The following CASR variants were observed in gnomAD, a reference collection of about 807,000 sequenced individuals.
CASR encodes the protein extracellular calcium-sensing receptor.
A neutral mutation model predicts 69.1 loss-of-function variants in CASR; 23 were observed. The observed-to-expected ratio is 0.33, with a 90% CI of 0.24 to 0.47. The LOEUF (loss-of-function observed/expected upper bound fraction) is 0.47, where lower values mean the gene tolerates loss of function less well. CASR is among the 20% of genes least tolerant of loss of function. CASR has a pLI of 1.00. For missense variants in CASR, 924 were observed against 1,356.1 expected (o/e 0.68, Z 5.00); for synonymous variants, 541 against 544.7 (o/e 0.99, Z 0.10).
In CASR at chr3:122,283,614, A is replaced by G. The variant is rs1323871240; in HGVS notation, c.1733-73A>G. ...CACATCCAAAAAACTATGTATTCCC[A>G]CCACCACATGTACACTCACACATTT... On this transcript the variant is annotated intron_variant, in intron 6 of 6. Coordinates refer to ENST00000639785, the MANE Select transcript of CASR (RefSeq NM_000388.4). 4.1e-6 allele frequency: 5 copies of G among 1,229,080 alleles called. No individual in the cohort carries two copies. In the African/African-American group the frequency reaches 7.4e-5, roughly 18 times the overall value. The allele number at this position is 1,229,080 out of a possible 1,614,324, so 76.1% of individuals were successfully genotyped here. A position where few individuals can be genotyped will look rare whatever the true frequency, so the allele number is the denominator to read the frequency against.
chr3:122,275,862 G>A lies in CASR; in HGVS notation c.1428G>A (p.Gln476=), dbSNP rs1457255751. ...ACTTTACAAACAATATGGGGGAGCA[G>A]GTGACCTTTGATGAGTGTGGTGACC... ...HLNFTNNMGE[Q]VTFDECGDLV... is the part of the protein sequence containing the mutation. Residue 476 remains glutamine, a synonymous_variant, in exon 5 of 7, where the codon CAG becomes CAA. Transcript: ENST00000639785. 1.2e-6 allele frequency: 2 copies of A among 1,614,074 alleles called. No homozygotes were observed. The highest frequency in any genetic ancestry group is 2.7e-5 in the African/African-American group (2 of 74,936).
chr3:122,238,281 A>G (rs1037829247), intron 1 of CASR, among the ~76,000 whole-genome samples: 4 of 152,194 alleles, frequency 2.6e-5, no homozygotes, highest in East Asian at 3.9e-4. Context: ...GCCACTTGGC[A>G]CTGAACTCAG....
chr3:122,231,408 C>T (rs771891724), intron 1 of CASR, among the ~76,000 whole-genome samples: 4 of 152,198 alleles, frequency 2.6e-5, no homozygotes, highest in East Asian at 3.8e-4. Flanking sequence ...CACCATCATA[C>T]GAAGAGCTAA....
Position 122,221,299 on chromosome 3 carries a change from G to C in CASR, c.-242-32649G>C, listed in dbSNP as rs191933752. On this transcript the variant is annotated intron_variant, in intron 1 of 6. Coordinates refer to ENST00000639785, the MANE Select transcript of CASR (RefSeq NM_000388.4). Reference sequence around the variant, plus strand: ...TCTTTTCCCCTCACCCCCTTCCTTGGAGAACCATCAATGCTCACAGTTCCA... The same window carrying C: ...TCTTTTCCCCTCACCCCCTTCCTTGCAGAACCATCAATGCTCACAGTTCCA... Among the ~76,000 whole-genome samples the C allele has an allele frequency of 1.5e-4, 23 of 152,090 alleles. No homozygotes were observed. The East Asian group carries it at 4.4e-3, about 29-fold the overall frequency.
chr3:122,241,972 G>T (rs1169898366), intron 1 of CASR, among the ~76,000 whole-genome samples: 1 of 151,984 alleles, frequency 6.6e-6, no homozygotes, highest in Non-Finnish European at 1.5e-5. Flanking sequence ...ATTGGATAAA[G>T]TTCAACATCA....
rs1234498112 is a variant in CASR at position 122,257,791 on chromosome 3, G to A, written c.492+404G>A. 5.9e-5 allele frequency among the ~76,000 whole-genome samples: 9 copies of A among 152,034 alleles called. No homozygotes were observed. In the East Asian group the frequency reaches 7.7e-4, roughly 13 times the overall value. ...CGAATTCCATTTCCTGAAAAGTCTC[G>A]CTGCTCCACTGTCTCATTGAAACTT... On this transcript the variant is annotated intron_variant, in intron 3 of 6. Coordinates refer to ENST00000639785, the MANE Select transcript of CASR (RefSeq NM_000388.4).
chr3:122,201,908 G>A (rs1454432139), intron 1 of CASR, among the ~76,000 whole-genome samples: 5 of 151,584 alleles, frequency 3.3e-5, no homozygotes, highest in South Asian at 2.1e-4. Context: ...GATGGCGGCC[G>A]GGCAGAGACG....
intron 2 of CASR, among the ~76,000 whole-genome samples, chr3:122,255,969 C>T (rs2074550740): frequency 6.6e-6 from 1 of 152,190 alleles, no homozygotes. Flanking sequence ...ATTTACTGAG[C>T]CCTGACTCTG....
rs191237891 is a variant in CASR at position 122,235,679 on chromosome 3, T to A, written c.-242-18269T>A. On this transcript the variant is annotated intron_variant, in intron 1 of 6. Coordinates refer to ENST00000639785, the MANE Select transcript of CASR (RefSeq NM_000388.4). ...TGGGGTAGTGGCATGTTCCTATAGT[T>A]TTAGTTACTCAGGAATCTGAGGCAG... Among the ~76,000 whole-genome samples, 253 of 152,214 alleles carry A rather than the reference T, an allele frequency of 1.7e-3. 1 individual carries two copies. The highest frequency in any genetic ancestry group is 1.3e-3 in the Non-Finnish European group (85 of 67,998).
At chr3:122,271,832 T>C (rs746465205) in intron 4 of CASR, among the ~76,000 whole-genome samples, 1 of 152,214 alleles carries the variant, frequency 6.6e-6, no homozygotes, top group Non-Finnish European at 1.5e-5. Context: ...TTCCTGGATA[T>C]TTCATATAAA....
chr3:122,278,543 C>T (rs187748757), intron 5 of CASR, among the ~76,000 whole-genome samples: 2 of 152,292 alleles, frequency 1.3e-5, no homozygotes, highest in African/African-American at 4.8e-5. Context: ...CAGAATTGGA[C>T]AGGCATCTTT....
intron 5 of CASR, among the ~76,000 whole-genome samples, chr3:122,281,222 G>T (rs1416141462): frequency 6.6e-6 from 1 of 152,228 alleles, no homozygotes; most frequent in Non-Finnish European, 1.5e-5. Context: ...ATGAAATTCT[G>T]GTAAGAACAC....
intron 1 of CASR, among the ~76,000 whole-genome samples, chr3:122,226,164 G>A (rs888410907): frequency 2.0e-5 from 3 of 152,178 alleles, no homozygotes; most frequent in African/African-American, 7.2e-5. Flanking sequence ...CACGGTGAGT[G>A]TTACAGTTCT....
chr3:122,248,225 C>G (rs192229472), intron 1 of CASR, among the ~76,000 whole-genome samples: 1 of 152,250 alleles, frequency 6.6e-6, no homozygotes, highest in East Asian at 1.9e-4. Context: ...TAGGGATGGC[C>G]GTATTGGTGA....
At chr3:122,244,476 T>C (rs1314973307) in intron 1 of CASR, among the ~76,000 whole-genome samples, 3 of 152,104 alleles carry the variant, frequency 2.0e-5, no homozygotes, top group African/African-American at 7.2e-5. Flanking sequence ...TTACATACAA[T>C]ATAGATGAAT....
intron 1 of CASR, among the ~76,000 whole-genome samples, chr3:122,194,085 G>A (rs554604275): frequency 9.9e-5 from 15 of 152,088 alleles, no homozygotes; most frequent in East Asian, 7.7e-4. Context: ...TACACATCCC[G>A]TGCTCTCCAG....
rs2074988296 is a variant in CASR at position 122,288,553 on chromosome 3, A to C, written c.*3362A>C. 6.6e-6 allele frequency: 1 copy of C among 152,020 alleles called. No individual in the cohort carries two copies. 9.4% of individuals were successfully genotyped at this position (152,020 alleles called of 1,614,324 possible). A position where few individuals can be genotyped will look rare whatever the true frequency, so the allele number is the denominator to read the frequency against. ...TTCTCACTGTGGTCCTCTTCCCTTC[A>C]CCTAGCTCACTCCTTCCCCTCTAAT... On this transcript the variant is annotated 3_prime_UTR_variant, in exon 7 of 7. Coordinates refer to ENST00000639785, the MANE Select transcript of CASR (RefSeq NM_000388.4).
chr3:122,235,466 G>T (rs1192363985), intron 1 of CASR, among the ~76,000 whole-genome samples: 1 of 152,212 alleles, frequency 6.6e-6, no homozygotes, highest in Admixed American at 6.5e-5. Flanking sequence ...GATGTTAGCA[G>T]TTATTTTGCA....
rs9740 is a variant in CASR at position 122,286,206 on chromosome 3, A to G, written c.*1015A>G. The G allele has an allele frequency of 0.27, 40,957 of 152,126 alleles. 6,287 individuals carry two copies. The highest frequency in any genetic ancestry group is 0.35 in the Non-Finnish European group (23,940 of 67,988). The allele number at this position is 152,126 out of a possible 1,614,324, so 9.4% of individuals were successfully genotyped here. A position where few individuals can be genotyped will look rare whatever the true frequency, so the allele number is the denominator to read the frequency against. On this transcript the variant is annotated 3_prime_UTR_variant, in exon 7 of 7. Coordinates refer to ENST00000639785, the MANE Select transcript of CASR (RefSeq NM_000388.4). The stretch of plus-strand genomic sequence containing the variant: ...CAAGAAAGATCCACCCTCAAATGTC[A>G]GAGCTATGTTCCCTCCAGCAGTGGT...
Sources: gnomAD v4.1 joint callset for allele counts (sites outside exome capture counted in the v4.1 genomes callset) on GRCh38, gnomAD v4.1.1 for gene constraint, MANE v1.5 for transcripts, NCBI Gene and HGNC (gene_info 2026-07-23, HGNC 2026-07-21) for gene names.